ITPRID1: variants seen among roughly 807,000 people sequenced by gnomAD.
ITPRID1 encodes ITPR interacting domain containing 1, also known as protein ITPRID1.
Under a neutral mutation model 95.4 loss-of-function variants are expected in ITPRID1, and 96 were observed. The ratio of observed to expected loss-of-function variants is 1.01; its 90% CI spans 0.85 to 1.19. The LOEUF (loss-of-function observed/expected upper bound fraction) is 1.19, where lower values mean the gene tolerates loss of function less well. Among genes scored for constraint, ITPRID1 ranks in the 50% most tolerant of loss-of-function variants. The probability of loss-of-function intolerance (pLI) is 0.00; values close to 1 mark genes in which losing one functional copy is unlikely to be tolerated. For synonymous variants in ITPRID1, 510 were observed against 453.6 expected (o/e 1.12, Z -1.58); for missense variants, 1,339 against 1,252.9 (o/e 1.07, Z -1.04).
At chr7:31,597,562 C>G (rs1786141675) in intron 10 of ITPRID1, among the ~76,000 whole-genome samples, 1 of 150,864 alleles carries the variant, frequency 6.6e-6, no homozygotes, top group African/African-American at 2.4e-5. Context: ...TTAAGAGCAC[C>G]TTATATTTAT....
At chr7:31,634,498 T>G (rs1245270999) in intron 10 of ITPRID1, among the ~76,000 whole-genome samples, 1 of 151,890 alleles carries the variant, frequency 6.6e-6, no homozygotes, top group African/African-American at 2.4e-5. Context: ...TCAGAGAGAG[T>G]AAGAGGCAAG....
chr7:31,540,611 C>T (rs919859084), intron 1 of ITPRID1, among the ~76,000 whole-genome samples: 3 of 152,116 alleles, frequency 2.0e-5, no homozygotes. Flanking sequence ...TATTTGCATG[C>T]AGTGCAGCAA....
intron 10 of ITPRID1, among the ~76,000 whole-genome samples, chr7:31,625,096 T>G (rs1257226183): frequency 1.3e-5 from 2 of 152,128 alleles, no homozygotes; most frequent in Non-Finnish European, 2.9e-5. Context: ...CCAGTTAGAA[T>G]GGCAATCATT....
intron 10 of ITPRID1, among the ~76,000 whole-genome samples, chr7:31,616,631 A>ATAGTATCT (rs1179506331): frequency 6.6e-6 from 1 of 152,212 alleles, no homozygotes; most frequent in Non-Finnish European, 1.5e-5. Flanking sequence ...TTAGAAATAA[A>ATAGTATCT]TAGTATCTTA....
chr7:31,563,784 G>C (rs370398676), intron 5 of ITPRID1, among the ~76,000 whole-genome samples: 2 of 152,020 alleles, frequency 1.3e-5, no homozygotes, highest in South Asian at 4.2e-4. Context: ...GGGGAGGAAG[G>C]GTCAAAGATA....
In ITPRID1 at chr7:31,577,947, G is replaced by A. The variant is rs1785245471; in HGVS notation, c.683G>A (p.Arg228Lys). The change falls in exon 9 of 15, where the codon AGA becomes AAA. Residue 228 changes from arginine to lysine, a missense_variant. Coordinates refer to ENST00000615280, the MANE Select transcript of ITPRID1 (RefSeq NM_001257967.3). Reference sequence around the variant, plus strand: ...AGTGATGTCAGCATCCTGCCAAACAGAGCTGAAGAGAAAGCTGGAGGAGAG... The same window carrying A: ...AGTGATGTCAGCATCCTGCCAAACAAAGCTGAAGAGAAAGCTGGAGGAGAG... ...LLSDVSILPN[R>K]AEEKAGGESV... is the part of the protein sequence containing the mutation. The A allele has an allele frequency of 1.2e-6, 2 of 1,613,762 alleles. No individual in the cohort carries two copies. The highest frequency in any genetic ancestry group is 1.7e-6 in the Non-Finnish European group (2 of 1,179,804).
chr7:31,576,201 A>G (rs1252136043), intron 8 of ITPRID1, among the ~76,000 whole-genome samples: 1 of 152,218 alleles, frequency 6.6e-6, no homozygotes, highest in Non-Finnish European at 1.5e-5. Context: ...TCAAGGAAGC[A>G]GAGAAGGTCA....
At position 31,632,110 on chromosome 7, in the gene ITPRID1, A is replaced by G. The variant is rs553237074; in HGVS notation, c.1229-10066A>G. Among the ~76,000 whole-genome samples, 5 of 152,316 alleles carry G rather than the reference A, an allele frequency of 3.3e-5. No homozygotes were observed. In the South Asian group the frequency reaches 1.0e-3, roughly 32 times the overall value. On this transcript the variant is annotated intron_variant, in intron 10 of 14. Coordinates refer to ENST00000615280, the MANE Select transcript of ITPRID1 (RefSeq NM_001257967.3). ...TGTCCTACAGCAAGAATGTTTTTCA[A>G]TGCCATAGACAACACAGATCAATTT...
chr7:31,599,671 TCTCTC>T lies in ITPRID1; in HGVS notation c.1228+16481_1228+16485del, dbSNP rs1786296799. Among the ~76,000 whole-genome samples, 6 of 142,526 alleles carry T rather than the reference TCTCTC, an allele frequency of 4.2e-5. 1 individual carries two copies. The highest frequency in any genetic ancestry group is 9.3e-5 in the Non-Finnish European group (6 of 64,764). 93.5% of individuals were successfully genotyped at this position (142,526 alleles called of 152,430 possible). A position where few individuals can be genotyped will look rare whatever the true frequency, so the allele number is the denominator to read the frequency against. ...TTTTTCTTTCTTTCCTTTCTCTCTC[TCTCTC>T]TCTCTCTCTCTCTCTCTTTCTTTCT... On this transcript the variant is annotated intron_variant, in intron 10 of 14. Coordinates refer to ENST00000615280, the MANE Select transcript of ITPRID1 (RefSeq NM_001257967.3).
At chr7:31,630,244 C>CAAA (rs71557496) in intron 10 of ITPRID1, among the ~76,000 whole-genome samples, 8,981 of 103,362 alleles carry the variant, frequency 0.087, 859 homozygotes, top group Middle Eastern at 0.15. Flanking sequence ...GTCTACTTGG[C>CAAA]AAAAAAAAAA....
At chr7:31,624,959 A>G (rs1035669455) in intron 10 of ITPRID1, among the ~76,000 whole-genome samples, 1 of 152,222 alleles carries the variant, frequency 6.6e-6, no homozygotes, top group Non-Finnish European at 1.5e-5. Context: ...AAAAGTGGGC[A>G]AAGGACATGA....
intron 1 of ITPRID1, chr7:31,529,785 G>C (rs1421179958): frequency 3.3e-6 from 5 of 1,535,312 alleles, no homozygotes; most frequent in Non-Finnish European, 4.4e-6. Flanking sequence ...ACTACAGCAA[G>C]TTGCAAGACC....
chr7:31,519,714 A>C (rs1184967169), intron 1 of ITPRID1, among the ~76,000 whole-genome samples: 1 of 147,954 alleles, frequency 6.8e-6, no homozygotes, highest in African/African-American at 2.5e-5. Flanking sequence ...TTATTTTAGA[A>C]TCACTGAATC....
intron 1 of ITPRID1, among the ~76,000 whole-genome samples, chr7:31,536,068 C>T (rs970065505): frequency 6.6e-6 from 1 of 152,050 alleles, no homozygotes; most frequent in African/African-American, 2.4e-5. Flanking sequence ...TATTTATTCA[C>T]TATTCTGTCT....
chr7:31,598,652 C>T (rs544608455), intron 10 of ITPRID1, among the ~76,000 whole-genome samples: 4 of 152,086 alleles, frequency 2.6e-5, no homozygotes, highest in Non-Finnish European at 4.4e-5. Context: ...ATCCGCCCGC[C>T]TTGGCCTCCC....
At chr7:31,638,171 C>T (rs1367117146) in intron 10 of ITPRID1, among the ~76,000 whole-genome samples, 1 of 152,188 alleles carries the variant, frequency 6.6e-6, no homozygotes, top group Non-Finnish European at 1.5e-5. Context: ...TTTGTACCCA[C>T]AGTTGATATA....
chr7:31,525,103 A>G (rs217170), intron 1 of ITPRID1, among the ~76,000 whole-genome samples: 26,315 of 152,160 alleles, frequency 0.17, 3,138 homozygotes, highest in African/African-American at 0.31. Context: ...CAGGCCATTT[A>G]TCATGCATTA....
chr7:31,554,807 T>C, intron 4 of ITPRID1, 51 bp from the exon 5 acceptor site: 1 of 1,414,394 alleles, frequency 7.1e-7, no homozygotes, highest in Non-Finnish European at 9.8e-7. Flanking sequence ...TAATTTAGTA[T>C]AATTTATTTA....
At chr7:31,582,672 A>C (rs1785447014) in intron 9 of ITPRID1, among the ~76,000 whole-genome samples, 1 of 152,162 alleles carries the variant, frequency 6.6e-6, no homozygotes, top group Non-Finnish European at 1.5e-5. Flanking sequence ...AGAAGTATTT[A>C]TTAATTTCTT....
Sources: gnomAD v4.1 joint callset for allele counts (sites outside exome capture counted in the v4.1 genomes callset) on GRCh38, gnomAD v4.1.1 for gene constraint, MANE v1.5 for transcripts, NCBI Gene and HGNC (gene_info 2026-07-23, HGNC 2026-07-21) for gene names.